Variants in MAPT observed in about 807,000 individuals in gnomAD.
MAPT encodes the protein microtubule-associated protein tau.
In MAPT, 34 loss-of-function variants were observed where a neutral mutation model predicts 67.9. The observed-to-expected ratio is 0.50, with a 90% CI of 0.38 to 0.67. The LOEUF is 0.67. Among genes scored for constraint, MAPT ranks in the 30% least tolerant of loss-of-function variants. The pLI, the probability that MAPT is intolerant of heterozygous loss-of-function variation, is 0.00. For missense variants in MAPT, 881 were observed against 1,115.2 expected (o/e 0.79, Z 2.99); for synonymous variants, 456 against 464.5 (o/e 0.98, Z 0.23).
chr17:45,996,542 A>G lies in MAPT; in HGVS notation c.1876A>G (p.Lys626Glu). 6.2e-7 allele frequency: 1 copy of G among 1,609,718 alleles called. No homozygotes were observed. Residue 626 changes from lysine (K) to glutamate (E), a missense_variant, in exon 9 of 13, where the codon AAG (lysine) becomes GAG (glutamate). Lys to Glu is a moderately conservative substitution (Grantham distance 56). Around this residue, in one of 6 missense-constraint regions of MAPT, gnomAD observed 45 missense variants for 43.2 expected, o/e 1.04. Coordinates refer to ENST00000262410, the MANE Select transcript of MAPT (RefSeq NM_001377265.1). The surrounding 1 kb of genome is among the most constrained non-coding windows in gnomAD (Gnocchi z 4.5). ...GGTGGCAGTGGTCCGTACTCCACCC[A>G]AGTCGCCGTCTTCCGCCAAGAGCCG... ...KKVAVVRTPP[K>E]SPSSAKSRLQ... is the part of the protein sequence containing the mutation.
rs1218394949 is a variant in MAPT at position 45,906,833 on chromosome 17, A to T, written c.-18+12147A>T. Among the ~76,000 whole-genome samples, 1 of 151,976 alleles carries T rather than the reference A, an allele frequency of 6.6e-6. No homozygotes were observed. Among genetic ancestry groups the T allele is most frequent in the East Asian group, 1.9e-4 (1 of 5,186 alleles). On this transcript the variant is annotated intron_variant, in intron 1 of 12. Coordinates refer to ENST00000262410, the MANE Select transcript of MAPT (RefSeq NM_001377265.1). The surrounding 1 kb of genome is among the most constrained non-coding windows in gnomAD (Gnocchi z 4.3). ...GAGCCTTAAGCTCTTCTCCCTCCAC[A>T]TCCTGGAACAGACCCGCCAGTTTCT...
intron 1 of MAPT, among the ~76,000 whole-genome samples, chr17:45,955,626 C>A (rs2069551244): frequency 6.6e-6 from 1 of 152,206 alleles, no homozygotes; most frequent in African/African-American, 2.4e-5. Context: ...ACACAAGCAA[C>A]CCCGCCCCAT....
intron 4 of MAPT, chr17:45,978,747 C>A: frequency 2.8e-6 from 1 of 355,174 alleles, no homozygotes; most frequent in Non-Finnish European, 5.2e-6. Flanking sequence ...GCTCACGCCT[C>A]TAATCCCAGC....
chr17:46,017,689 C>A (rs62062283), intron 11 of MAPT, among the ~76,000 whole-genome samples: 20,900 of 147,974 alleles, frequency 0.14, 2,028 homozygotes, highest in Non-Finnish European at 0.21. Flanking sequence ...AAACTCCTGA[C>A]CTCAGGTGAT....
chr17:46,002,875 T>C (rs2075121267), intron 9 of MAPT, among the ~76,000 whole-genome samples: 1 of 151,564 alleles, frequency 6.6e-6, no homozygotes, highest in Non-Finnish European at 1.5e-5. Context: ...CTTGAAGTCC[T>C]GAGCTCAAGA....
At chr17:45,956,365 C>T (rs2069652798) in intron 1 of MAPT, among the ~76,000 whole-genome samples, 1 of 151,962 alleles carries the variant, frequency 6.6e-6, no homozygotes, top group African/African-American at 2.4e-5. Context: ...GCATGCGGGT[C>T]CCTGGCTTCT....
Position 45,906,984 on chromosome 17 carries a change from C to T in MAPT, c.-18+12298C>T, listed in dbSNP as rs1251367043. 6.6e-6 allele frequency among the ~76,000 whole-genome samples: 1 copy of T among 152,202 alleles called. No homozygotes were observed. The highest frequency in any genetic ancestry group is 6.5e-5 in the Admixed American group (1 of 15,278). On this transcript the variant is annotated intron_variant, in intron 1 of 12. Coordinates refer to ENST00000262410, the MANE Select transcript of MAPT (RefSeq NM_001377265.1). The surrounding 1 kb of genome is among the most constrained non-coding windows in gnomAD (Gnocchi z 4.3). The stretch of plus-strand genomic sequence containing the variant: ...AACAATAATGAGTTGTTCCCTGTTT[C>T]AATTCCAAAATTCATATCCAATCCG...
chr17:45,969,988 T>C (rs1453734825), intron 2 of MAPT, among the ~76,000 whole-genome samples: 1 of 151,152 alleles, frequency 6.6e-6, no homozygotes, highest in Non-Finnish European at 1.5e-5. Flanking sequence ...CAATCAATCA[T>C]ACATACATCG....
chr17:45,932,226 G>T (rs898346806), intron 1 of MAPT: 1 of 152,248 alleles, frequency 6.6e-6, no homozygotes, highest in South Asian at 2.1e-4. Flanking sequence ...CTTAATGCAG[G>T]AACATGTGTT....
Position 45,982,915 on chromosome 17 carries a change from G to A in MAPT, c.336G>A (p.Leu112=). ...GRQRKAPERP[L]ANEISAHVQP... is the part of the protein sequence containing the mutation. ...AGAGGAAGGCGCCTGAAAGGCCCCTGGCCAATGAGATTAGCGCCCACGTCC... is the reference window on the plus strand; with the variant it reads ...AGAGGAAGGCGCCTGAAAGGCCCCTAGCCAATGAGATTAGCGCCCACGTCC... Residue 112 remains leucine (L), a synonymous_variant, in exon 5 of 13, where the codon CTG becomes CTA. Coordinates refer to ENST00000262410, the MANE Select transcript of MAPT (RefSeq NM_001377265.1). 1 of 1,357,484 alleles carries A rather than the reference G, an allele frequency of 7.4e-7. No homozygotes were observed. Among genetic ancestry groups the A allele is most frequent in the East Asian group, 2.7e-5 (1 of 37,236 alleles). The allele number at this position is 1,357,484 out of a possible 1,614,324, so 84.1% of individuals were successfully genotyped here.
intron 1 of MAPT, among the ~76,000 whole-genome samples, chr17:45,950,029 A>G (rs2068901049): frequency 6.6e-6 from 1 of 152,000 alleles, no homozygotes; most frequent in Non-Finnish European, 1.5e-5. Flanking sequence ...CGTAGGGAGC[A>G]GAGGGGCAAA....
chr17:45,961,099 T>C (rs554269361), intron 1 of MAPT, among the ~76,000 whole-genome samples: 85 of 151,372 alleles, frequency 5.6e-4, no homozygotes, highest in Non-Finnish European at 9.6e-4. Context: ...ATTGGCTGGC[T>C]CACCTGGGCT....
intron 11 of MAPT, among the ~76,000 whole-genome samples, chr17:46,015,221 A>G (rs983630077): frequency 3.3e-5 from 5 of 150,922 alleles, no homozygotes; most frequent in Middle Eastern, 3.4e-3. Flanking sequence ...TTAGCCAGGC[A>G]TGGTGGCGGG....
chr17:45,915,090 G>A lies in MAPT; in HGVS notation c.-18+20404G>A, dbSNP rs62056848. 0.14 allele frequency among the ~76,000 whole-genome samples: 21,782 copies of A among 152,114 alleles called. 2,115 individuals carry two copies. Among genetic ancestry groups the A allele is most frequent in the Middle Eastern group, 0.22 (64 of 294 alleles). ...ACACTTGGAAAGGATGAAAATATCC[G>A]GAAGAAGGGTTCTTTTAAAAGGCTC... On this transcript the variant is annotated intron_variant, in intron 1 of 12. Transcript: ENST00000262410. This position sits in a 1 kb window ranked among gnomAD's most constrained non-coding sequence, Gnocchi z 4.4.
intron 1 of MAPT, among the ~76,000 whole-genome samples, chr17:45,941,806 C>T (rs1417576297): frequency 6.7e-6 from 1 of 149,098 alleles, no homozygotes; most frequent in Non-Finnish European, 1.5e-5. Context: ...CCAGGCTGTT[C>T]TTTGGTCTTT....
intron 3 of MAPT, chr17:45,974,421 G>A: frequency 6.2e-7 from 1 of 1,610,772 alleles, no homozygotes; most frequent in Non-Finnish European, 8.5e-7. Flanking sequence ...GGAGCTCCCG[G>A]CAAGCAGGCT....
chr17:45,944,637 C>T (rs1298688829), intron 1 of MAPT, among the ~76,000 whole-genome samples: 1 of 152,194 alleles, frequency 6.6e-6, no homozygotes, highest in Non-Finnish European at 1.5e-5. Context: ...TGCCATGAGG[C>T]CAAGGCAGTG....
At chr17:45,903,812 A>T (rs1597837671) in intron 1 of MAPT, among the ~76,000 whole-genome samples, 1 of 26,532 alleles carries the variant, frequency 3.8e-5, no homozygotes, top group African/African-American at 1.7e-4. Context: ...ATATAATATA[A>T]TATATAAATA....
chr17:46,021,732 G>A (rs796586591), intron 12 of MAPT, among the ~76,000 whole-genome samples: 60 of 152,332 alleles, frequency 3.9e-4, no homozygotes, highest in African/African-American at 1.4e-3. Context: ...AGTCCTCTAA[G>A]AACCTGAGTT....
Sources: allele counts gnomAD v4.1 joint callset (sites outside exome capture counted in the v4.1 genomes callset), GRCh38; gene constraint gnomAD v4.1.1; regional missense constraint gnomAD v4.1.1; non-coding constraint Gnocchi (gnomAD v3.1); transcripts MANE v1.5; gene names NCBI Gene and HGNC (gene_info 2026-07-23, HGNC 2026-07-21).